Variants in RCAN1 observed in about 807,000 individuals in gnomAD.
The protein encoded by RCAN1 is regulator of calcineurin 1.
Under a neutral mutation model 22.9 loss-of-function variants are expected in RCAN1, and 11 were observed. That is an observed-to-expected ratio of 0.48 (90% confidence interval 0.30 to 0.79). RCAN1 has a LOEUF of 0.79. Ranked by LOEUF, RCAN1 falls within the 30% of genes least tolerant of loss-of-function variation. RCAN1 has a pLI of 0.06. For missense variants in RCAN1, 291 were observed against 337.8 expected, an observed-to-expected ratio of 0.86 and a Z score of 1.09; for synonymous variants, 136 against 142.3, an observed-to-expected ratio of 0.96 and a Z score of 0.32.
chr21:34,592,588 C>T (rs1988010065), intron 1 of RCAN1, among the ~76,000 whole-genome samples: 1 of 152,156 alleles, frequency 6.6e-6, no homozygotes, highest in African/African-American at 2.4e-5. Flanking sequence ...AGGCCCCCTT[C>T]CCGGAGCCGT....
At chr21:34,534,970 C>T (rs991827805) in intron 1 of RCAN1, among the ~76,000 whole-genome samples, 2 of 152,236 alleles carry the variant, frequency 1.3e-5, no homozygotes, top group Admixed American at 6.5e-5. Context: ...CCAGCACCAA[C>T]CCCATGACAA....
At chr21:34,569,443 C>T (rs537837666) in intron 1 of RCAN1, among the ~76,000 whole-genome samples, 144 of 152,252 alleles carry the variant, frequency 9.5e-4, no homozygotes, top group African/African-American at 3.3e-3. Context: ...TACTAACAAA[C>T]GCACCTTTCT....
chr21:34,559,606 T>C lies in RCAN1; in HGVS notation c.253-35896A>G, dbSNP rs187635524. Among the ~76,000 whole-genome samples the C allele has an allele frequency of 2.4e-5, 3 of 127,048 alleles. No individual in the cohort carries two copies. In the East Asian group the frequency reaches 5.8e-4, roughly 25 times the overall value. 83.3% of individuals were successfully genotyped at this position (127,048 alleles called of 152,430 possible). ...GAGGGTCCTGATGTTCTTTGGAACA[T>C]AGCTCACATTTTCCAGTTTATTATG... On this transcript the variant is annotated intron_variant, in intron 1 of 3. Transcript: ENST00000313806.
chr21:34,582,253 A>C (rs1238490131), intron 1 of RCAN1, among the ~76,000 whole-genome samples: 1 of 152,202 alleles, frequency 6.6e-6, no homozygotes, highest in Non-Finnish European at 1.5e-5. Flanking sequence ...ACCTAGTGGT[A>C]AATGAGACAA....
In RCAN1 at chr21:34,518,254, C is replaced by T. The variant is rs1984197074; in HGVS notation, c.589G>A (p.Glu197Lys). ...GTCGCTGCGTGCAATTCATACTTTT[C>T]CCCTAAGGAGGGAAAATAATCGCAG... ...LYAISKLGPG[E>K]KYELHAATDT... is the part of the protein sequence containing the mutation. The change falls in exon 4 of 4, where the codon GAA becomes AAA. Residue 197 changes from glutamate to lysine, a missense_variant and splice_region_variant. Transcript: ENST00000313806. This position sits in a 1 kb window ranked among gnomAD's most constrained non-coding sequence, Gnocchi z 4.2. The T allele has an allele frequency of 2.5e-6, 4 of 1,613,662 alleles. No individual in the cohort carries two copies. The highest frequency in any genetic ancestry group is 1.1e-5 in the South Asian group (1 of 91,082).
At chr21:34,525,645 T>C (rs1368467335) in intron 1 of RCAN1, 3 of 325,194 alleles carry the variant, frequency 9.2e-6, no homozygotes, top group Non-Finnish European at 1.7e-5. Flanking sequence ...ACATTATCTT[T>C]AAAATCTAGA....
chr21:34,588,226 T>A (rs1223473120), intron 1 of RCAN1, among the ~76,000 whole-genome samples: 3 of 152,140 alleles, frequency 2.0e-5, no homozygotes, highest in Admixed American at 2.0e-4. Flanking sequence ...TGCTTCCACT[T>A]ATATAAAGTT....
chr21:34,535,623 GA>G (rs1211432707), intron 1 of RCAN1, among the ~76,000 whole-genome samples: 7 of 149,376 alleles, frequency 4.7e-5, no homozygotes, highest in Admixed American at 2.7e-4. Context: ...CTGATACTTT[GA>G]AAAAAAAATA....
chr21:34,583,178 CTTTT>C (rs10708288), intron 1 of RCAN1, among the ~76,000 whole-genome samples: 8 of 114,356 alleles, frequency 7.0e-5, no homozygotes, highest in African/African-American at 2.0e-4. Flanking sequence ...GCGATAGGGC[CTTTT>C]TTTTTTTTTT....
chr21:34,589,781 CG>C (rs1987912098), intron 1 of RCAN1, among the ~76,000 whole-genome samples: 1 of 152,102 alleles, frequency 6.6e-6, no homozygotes, highest in South Asian at 2.1e-4. Flanking sequence ...CTCCCACCCT[CG>C]GGCTGGGATT....
Position 34,554,543 on chromosome 21 carries a change from A to G in RCAN1, c.253-30833T>C, listed in dbSNP as rs371156812. On this transcript the variant is annotated intron_variant, in intron 1 of 3. Coordinates refer to ENST00000313806, the MANE Select transcript of RCAN1 (RefSeq NM_004414.7). Reference sequence around the variant, plus strand: ...TGCTTTTAACATCACAGAAGGAGACAATCAGTGATCACATGCGTCTTGGTG... The same window carrying G: ...TGCTTTTAACATCACAGAAGGAGACGATCAGTGATCACATGCGTCTTGGTG... Among the ~76,000 whole-genome samples the G allele has an allele frequency of 1.4e-3, 213 of 152,344 alleles. 2 individuals are homozygous for G. Among genetic ancestry groups the G allele is most frequent in the African/African-American group, 4.9e-3 (203 of 41,572 alleles).
intron 1 of RCAN1, among the ~76,000 whole-genome samples, chr21:34,543,138 G>A (rs1985991909): frequency 6.6e-6 from 1 of 152,260 alleles, no homozygotes; most frequent in Non-Finnish European, 1.5e-5. Flanking sequence ...GATCCACATA[G>A]GTGTGGGCCT....
intron 1 of RCAN1, among the ~76,000 whole-genome samples, chr21:34,608,517 G>A (rs1010813581): frequency 6.6e-6 from 1 of 152,160 alleles, no homozygotes; most frequent in Non-Finnish European, 1.5e-5. Context: ...GGGTGCAGCA[G>A]CCCCCACACA....
At chr21:34,555,484 G>T (rs947670216) in intron 1 of RCAN1, among the ~76,000 whole-genome samples, 3 of 151,676 alleles carry the variant, frequency 2.0e-5, no homozygotes, top group Admixed American at 2.0e-4. Flanking sequence ...AAGGCAGGAA[G>T]ATTGCTTGAG....
Position 34,518,318 on chromosome 21 carries a change from ATAAAAGAGCATTCAGGGCTCTGCTGGGC to A in RCAN1, c.587-90_587-63del. ...AGTCCTTGGGAGTCAAAAGGCAAAC[ATAAAAGAGCATTCAGGGCTCTGCTGGGC>A]CAGCTGCTCGTGACCATTCGATTGG... On this transcript the variant is annotated intron_variant, in intron 3 of 3. Coordinates refer to ENST00000313806, the MANE Select transcript of RCAN1 (RefSeq NM_004414.7). The surrounding 1 kb of genome is among the most constrained non-coding windows in gnomAD (Gnocchi z 4.2). 6.4e-7 allele frequency: 1 copy of A among 1,562,180 alleles called. No individual in the cohort carries two copies. Among genetic ancestry groups the A allele is most frequent in the Non-Finnish European group, 8.7e-7 (1 of 1,146,476 alleles).
chr21:34,542,514 A>AT (rs1985958221), intron 1 of RCAN1, among the ~76,000 whole-genome samples: 1 of 150,672 alleles, frequency 6.6e-6, no homozygotes, highest in Non-Finnish European at 1.5e-5. Context: ...TGCCAGCTAT[A>AT]TAAGTGTGAC....
chr21:34,613,851 G>A, intron 1 of RCAN1: 5 of 1,453,674 alleles, frequency 3.4e-6, no homozygotes, highest in Non-Finnish European at 4.6e-6. Context: ...TTCATTGACA[G>A]CATTTGTGGA....
chr21:34,598,303 T>A (rs1430582621), intron 1 of RCAN1, among the ~76,000 whole-genome samples: 1 of 152,222 alleles, frequency 6.6e-6, no homozygotes, highest in African/African-American at 2.4e-5. Context: ...ACTGTATTAA[T>A]TGTTAAATCA....
At chr21:34,522,293 G>C (rs1360605845) in intron 2 of RCAN1, 1 of 152,234 alleles carries the variant, frequency 6.6e-6, no homozygotes, top group Non-Finnish European at 1.5e-5. Flanking sequence ...AGTGATGAGA[G>C]GGCTGTCCAT....
Sources: allele counts gnomAD v4.1 joint callset (sites outside exome capture counted in the v4.1 genomes callset), GRCh38; gene constraint gnomAD v4.1.1; non-coding constraint Gnocchi (gnomAD v3.1); transcripts MANE v1.5; gene names NCBI Gene and HGNC (gene_info 2026-07-23, HGNC 2026-07-21).